Variants in MBNL1 observed in about 807,000 individuals in gnomAD.
The protein encoded by MBNL1 is muscleblind like splicing regulator 1, also known as muscleblind-like protein 1.
MBNL1 carries 8 observed loss-of-function variants against 42.2 expected under a neutral mutation model. The observed-to-expected ratio is 0.19, with a 90% CI of 0.11 to 0.34. The LOEUF is 0.34. Among genes scored for constraint, MBNL1 ranks in the 10% least tolerant of loss-of-function variants. MBNL1 has a pLI of 1.00. For synonymous variants in MBNL1, 169 were observed against 173.9 expected (o/e 0.97, Z 0.22); for missense variants, 309 against 495.3 (o/e 0.62, Z 3.57).
Position 152,338,232 on chromosome 3 carries a change from G to T in MBNL1, c.174+37865G>T, listed in dbSNP as rs921834279. Reference sequence around the variant, plus strand: ...TCCATTGCTTCTTGTGTTCTGGCGGGAATCTTGGTGATTCTTTTCAAGCAC... The same window carrying T: ...TCCATTGCTTCTTGTGTTCTGGCGGTAATCTTGGTGATTCTTTTCAAGCAC... On this transcript the variant is annotated intron_variant, in intron 2 of 9. Coordinates refer to ENST00000324210, the MANE Select transcript of MBNL1 (RefSeq NM_021038.5). The T allele has an allele frequency of 8.1e-6, 8 of 985,214 alleles. No individual in the cohort carries two copies. The African/African-American group carries it at 1.2e-4, about 15-fold the overall frequency. 61.0% of individuals were successfully genotyped at this position (985,214 alleles called of 1,614,324 possible).
upstream of MBNL1, chr3:152,265,351 T>G (rs970730606): frequency 1.3e-5 from 2 of 151,836 alleles, no homozygotes; most frequent in Non-Finnish European, 2.9e-5. Flanking sequence ...TATACCTCCT[T>G]GAGATATTTT....
intron 9 of MBNL1, among the ~76,000 whole-genome samples, chr3:152,461,088 G>T (rs1042470649): frequency 3.3e-5 from 5 of 152,114 alleles, no homozygotes; most frequent in Non-Finnish European, 5.9e-5. Flanking sequence ...GTAAAAGAAG[G>T]ACAGTGTGCC....
intron 2 of MBNL1, among the ~76,000 whole-genome samples, chr3:152,317,610 G>A (rs902127727): frequency 3.9e-5 from 6 of 152,050 alleles, no homozygotes; most frequent in Non-Finnish European, 7.4e-5. Flanking sequence ...GTGAGCCACC[G>A]TGCCTGGCCT....
chr3:152,328,958 G>A (rs554576572), intron 2 of MBNL1, among the ~76,000 whole-genome samples: 3 of 152,250 alleles, frequency 2.0e-5, no homozygotes, highest in Admixed American at 2.0e-4. Flanking sequence ...AGTACCAAGG[G>A]AGACGGTAGT....
chr3:152,449,019 T>C (rs753148106), intron 6 of MBNL1, among the ~76,000 whole-genome samples: 2 of 152,116 alleles, frequency 1.3e-5, no homozygotes, highest in Non-Finnish European at 2.9e-5. Context: ...ATTTCTCTTA[T>C]GTTTTGTAAT....
chr3:152,331,300 C>T (rs548049588), intron 2 of MBNL1, among the ~76,000 whole-genome samples: 5 of 152,274 alleles, frequency 3.3e-5, no homozygotes, highest in African/African-American at 9.6e-5. Context: ...ACTGAAAGTC[C>T]TTCCTTTTCC....
intron 1 of MBNL1, among the ~76,000 whole-genome samples, chr3:152,280,470 A>G (rs2047788317): frequency 6.6e-6 from 1 of 152,154 alleles, no homozygotes; most frequent in African/African-American, 2.4e-5. Context: ...CCTGGACTAG[A>G]CAGAAGAAAT....
At chr3:152,308,860 A>T (rs2064760709) in intron 2 of MBNL1, among the ~76,000 whole-genome samples, 1 of 151,452 alleles carries the variant, frequency 6.6e-6, no homozygotes. Flanking sequence ...TGGTCAAGAG[A>T]CCGGTTGTAA....
intron 2 of MBNL1, among the ~76,000 whole-genome samples, chr3:152,305,401 T>C (rs1212831983): frequency 6.6e-6 from 1 of 152,190 alleles, no homozygotes; most frequent in Admixed American, 6.5e-5. Context: ...TCCGTTACCT[T>C]TCATGCTGAG....
At chr3:152,320,906 GA>G (rs957719440) in intron 2 of MBNL1, among the ~76,000 whole-genome samples, 1 of 151,694 alleles carries the variant, frequency 6.6e-6, no homozygotes, top group Admixed American at 6.6e-5. Flanking sequence ...TCTAATTTTA[GA>G]AAAAAAGTTT....
At chr3:152,436,196 A>C (rs572614746) in intron 4 of MBNL1, among the ~76,000 whole-genome samples, 1 of 152,184 alleles carries the variant, frequency 6.6e-6, no homozygotes, top group Non-Finnish European at 1.5e-5. Flanking sequence ...TTTGTTGCAT[A>C]TATTACAAAG....
chr3:152,455,818 G>T (rs1054750060), intron 7 of MBNL1, among the ~76,000 whole-genome samples: 1 of 151,948 alleles, frequency 6.6e-6, no homozygotes, highest in Non-Finnish European at 1.5e-5. Flanking sequence ...GAGTTCTGGT[G>T]TGTAAAAAAA....
intron 2 of MBNL1, among the ~76,000 whole-genome samples, chr3:152,388,522 A>C (rs16864247): frequency 0.016 from 2,422 of 152,284 alleles, 56 homozygotes; most frequent in African/African-American, 0.055. Context: ...CTTTGCTCTC[A>C]ATTTCTATGC....
chr3:152,356,011 GA>G (rs1363141164), intron 2 of MBNL1, among the ~76,000 whole-genome samples: 1 of 152,156 alleles, frequency 6.6e-6, no homozygotes, highest in Non-Finnish European at 1.5e-5. Flanking sequence ...GCTTTTTAAA[GA>G]GAAAGGCAAA....
At chr3:152,458,292 G>GGGACAT in intron 8 of MBNL1, 1 of 1,017,240 alleles carries the variant, frequency 9.8e-7, no homozygotes. Flanking sequence ...AAATAAAACA[G>GGGACAT]GGACATATTA....
chr3:152,389,833 A>T (rs2097610285), intron 2 of MBNL1, among the ~76,000 whole-genome samples: 1 of 152,116 alleles, frequency 6.6e-6, no homozygotes, highest in African/African-American at 2.4e-5. Flanking sequence ...CTAAATGTAT[A>T]TGTTTTGTTC....
intron 2 of MBNL1, among the ~76,000 whole-genome samples, chr3:152,356,558 C>T (rs756464441): frequency 8.5e-5 from 13 of 152,182 alleles, no homozygotes; most frequent in Admixed American, 5.2e-4. Flanking sequence ...CAGCCTCCAC[C>T]TCCTGGAATC....
chr3:152,269,513 GC>G, intron 1 of MBNL1: 1 of 455,394 alleles, frequency 2.2e-6, no homozygotes, highest in African/African-American at 2.0e-5. Flanking sequence ...CGCATCCCTG[GC>G]CCCGGGGCTG....
intron 2 of MBNL1, among the ~76,000 whole-genome samples, chr3:152,304,490 C>T (rs73026371): frequency 0.016 from 2,437 of 152,320 alleles, 58 homozygotes; most frequent in African/African-American, 0.056. Flanking sequence ...ACTGGAATCA[C>T]TGTTACCAGG....
Sources: gnomAD v4.1 joint callset for allele counts (sites outside exome capture counted in the v4.1 genomes callset) on GRCh38, gnomAD v4.1.1 for gene constraint, MANE v1.5 for transcripts, NCBI Gene and HGNC (gene_info 2026-07-23, HGNC 2026-07-21) for gene names.